FRA10AC1: variants seen among roughly 807,000 people sequenced by gnomAD.
FRA10AC1 encodes the protein FRA10A associated CGG repeat 1, also known as protein FRA10AC1.
FRA10AC1 carries 43 observed loss-of-function variants against 56.5 expected under a neutral mutation model. The ratio of observed to expected loss-of-function variants is 0.76; its 90% CI spans 0.60 to 0.98. The LOEUF (loss-of-function observed/expected upper bound fraction) is 0.98. FRA10AC1 is among the 50% of genes least tolerant of loss of function. The pLI, the probability that FRA10AC1 is intolerant of heterozygous loss-of-function variation, is 0.00. For synonymous variants in FRA10AC1, 112 were observed against 110.5 expected (o/e 1.01, Z -0.09); for missense variants, 346 against 351.8 (o/e 0.98, Z 0.13).
chr10:93,702,634 C>G (rs1446722241), upstream of FRA10AC1: 1 of 193,276 alleles, frequency 5.2e-6, no homozygotes, highest in Non-Finnish European at 1.1e-5. Flanking sequence ...GGCACCGTCC[C>G]CCGAGTGCGC....
intron 4 of FRA10AC1, among the ~76,000 whole-genome samples, chr10:93,696,190 T>C (rs1371931806): frequency 6.6e-6 from 1 of 152,170 alleles, no homozygotes; most frequent in Non-Finnish European, 1.5e-5. Flanking sequence ...CCTGAAGACC[T>C]ATGGTATGAC....
At chr10:93,689,727 A>G (rs1046089788) in intron 7 of FRA10AC1, among the ~76,000 whole-genome samples, 2 of 152,172 alleles carry the variant, frequency 1.3e-5, no homozygotes, top group Non-Finnish European at 2.9e-5. Flanking sequence ...ACTGTATATT[A>G]TTTCCTGACA....
chr10:93,673,911 A>C (rs1174402770), intron 12 of FRA10AC1: 1 of 258,424 alleles, frequency 3.9e-6, no homozygotes, highest in Non-Finnish European at 7.8e-6. Context: ...GAATAGACAT[A>C]CAGTTGATTT....
intron 12 of FRA10AC1, chr10:93,672,253 T>G: frequency 4.1e-6 from 1 of 241,282 alleles, no homozygotes; most frequent in Non-Finnish European, 8.1e-6. Flanking sequence ...TGCTCCTAAC[T>G]GAATCTATTC....
At chr10:93,679,372 A>C (rs2058895135) in intron 11 of FRA10AC1, among the ~76,000 whole-genome samples, 1 of 152,172 alleles carries the variant, frequency 6.6e-6, no homozygotes, top group Admixed American at 6.5e-5. Context: ...AATAATGGAA[A>C]GTGTCAGGAG....
intron 12 of FRA10AC1, chr10:93,673,529 T>A: frequency 2.7e-6 from 1 of 363,706 alleles, no homozygotes; most frequent in Non-Finnish European, 5.3e-6. Context: ...ATCATCTTGG[T>A]TTTTGTGGAT....
chr10:93,685,196 T>C (rs2059004070), intron 9 of FRA10AC1, 50 bp downstream of exon 9: 1 of 836,472 alleles, frequency 1.2e-6, no homozygotes, highest in African/African-American at 1.8e-5. Context: ...ATTTTTAAAT[T>C]AAAGACAAAC....
intron 8 of FRA10AC1, among the ~76,000 whole-genome samples, chr10:93,686,697 C>T (rs1329417474): frequency 6.6e-6 from 1 of 151,688 alleles, no homozygotes; most frequent in Non-Finnish European, 1.5e-5. Flanking sequence ...GTAATCTTTC[C>T]ATTTAAAAGG....
Position 93,698,180 on chromosome 10 carries a change from C to G in FRA10AC1, c.175G>C (p.Glu59Gln). Residue 59 changes from glutamate (E) to glutamine (Q), a missense_variant and splice_region_variant, in exon 4 of 14, where the codon GAA becomes CAA. By Grantham distance (29) the Glu-to-Gln change is conservative. Transcript: ENST00000359204. The stretch of plus-strand genomic sequence containing the variant: ...TGAAACCTTCTATTTCTTGCTTCTT[C>G]CCTGTTAAAACAAATTTTTTTAAGA... Reference protein sequence around the residue: ...KQVAAELLDREEARNRRFHLI... With the variant: ...KQVAAELLDRQEARNRRFHLI... The G allele has an allele frequency of 6.3e-7, 1 of 1,582,808 alleles. No individual in the cohort carries two copies. Among genetic ancestry groups the G allele is most frequent in the South Asian group, 1.2e-5 (1 of 86,052 alleles).
intron 11 of FRA10AC1, 67 bp from the exon 12 acceptor site, chr10:93,676,758 C>T: frequency 8.8e-6 from 13 of 1,474,964 alleles, no homozygotes; most frequent in South Asian, 1.4e-5. Context: ...GTAGCTATAA[C>T]CAGAATTCTT....
chr10:93,699,765 G>A (rs964157567), intron 2 of FRA10AC1, among the ~76,000 whole-genome samples: 2 of 152,146 alleles, frequency 1.3e-5, no homozygotes, highest in Non-Finnish European at 2.9e-5. Context: ...TAATGAAAAG[G>A]TTTCACTGAT....
At chr10:93,676,951 A>G (rs1262098972) in intron 11 of FRA10AC1, among the ~76,000 whole-genome samples, 6 of 152,230 alleles carry the variant, frequency 3.9e-5, no homozygotes, top group Non-Finnish European at 8.8e-5. Context: ...ATACCTGCAA[A>G]AAAAATCTCA....
Position 93,698,380 on chromosome 10 carries a change from A to C in FRA10AC1, c.94T>G (p.Leu32Val). 6.2e-7 allele frequency: 1 copy of C among 1,606,210 alleles called. No individual in the cohort carries two copies. Among genetic ancestry groups the C allele is most frequent in the Non-Finnish European group, 8.5e-7 (1 of 1,173,700 alleles). Reference sequence around the variant, plus strand: ...TTCTGAAATGGTTTTTGGAGCAGTAAGTCATCTTCAACTGTCCTGATATAT... The same window carrying C: ...TTCTGAAATGGTTTTTGGAGCAGTACGTCATCTTCAACTGTCCTGATATAT... ...KRKKRTVEDD[L>V]LLQKPFQKEK... is the part of the protein sequence containing the mutation. Residue 32 changes from leucine to valine, a missense_variant, in exon 3 of 14, where the codon TTA becomes GTA. Transcript: ENST00000359204.
At chr10:93,701,379 ATCTAGGGTAAACGACATGTT>A (rs1221226206) in intron 1 of FRA10AC1, among the ~76,000 whole-genome samples, 3 of 152,200 alleles carry the variant, frequency 2.0e-5, no homozygotes, top group African/African-American at 7.2e-5. Context: ...ATTGCATTGG[ATCTAGGGTAAACGACATGTT>A]TCTAGTCCTG....
chr10:93,689,072 T>A (rs1333925536), intron 7 of FRA10AC1, among the ~76,000 whole-genome samples: 2 of 151,124 alleles, frequency 1.3e-5, no homozygotes, highest in Non-Finnish European at 3.0e-5. Context: ...TTTTTTTTTT[T>A]TTTTTTCAGC....
rs776338400 is a variant in FRA10AC1, at chr10:93,692,057, T to C, written c.417A>G (p.Leu139=). ...GATCTGCTATGCAGTATTCCTTAAA[T>C]AATTTATCATAGTATTTCTTAGCAA... is the stretch of plus-strand genomic sequence containing the variant. ...KRLAKKYYDK[L]FKEYCIADLS... is the part of the protein sequence containing the mutation. Residue 139 remains leucine (L), a synonymous_variant, in exon 7 of 14, where the codon TTA becomes TTG. Coordinates refer to ENST00000359204, the MANE Select transcript of FRA10AC1 (RefSeq NM_145246.5). 1 of 1,561,254 alleles carries C rather than the reference T, an allele frequency of 6.4e-7. No homozygotes were observed. Among genetic ancestry groups the C allele is most frequent in the Non-Finnish European group, 8.6e-7 (1 of 1,158,538 alleles).
chr10:93,681,524 G>C lies in FRA10AC1; in HGVS notation c.743C>G (p.Ser248Cys), dbSNP rs1589718496. The change falls in exon 11 of 14, where the codon TCC becomes TGC. Residue 248 changes from serine to cysteine, a missense_variant. By Grantham distance (112) the Ser-to-Cys change is moderately radical. Transcript: ENST00000359204. ...GGCCTCTTCTGCAGAAGATAATCTG[G>C]ATTTTTTATGTGATGACTCTTCACA... is the stretch of plus-strand genomic sequence containing the variant. Reference protein sequence around the residue: ...KDCEESSHKKSRLSSAEEASK... With the variant: ...KDCEESSHKKCRLSSAEEASK... 1 of 1,575,978 alleles carries C rather than the reference G, an allele frequency of 6.3e-7. No homozygotes were observed. Among genetic ancestry groups the C allele is most frequent in the Non-Finnish European group, 8.6e-7 (1 of 1,166,422 alleles).
chr10:93,672,159 T>C (rs1238182348), intron 12 of FRA10AC1: 1 of 396,346 alleles, frequency 2.5e-6, no homozygotes, highest in Non-Finnish European at 4.9e-6. Flanking sequence ...AACATAAAAA[T>C]AAAACAGCAT....
At chr10:93,671,128 TG>T (rs1157428797) in intron 12 of FRA10AC1, 7 of 303,690 alleles carry the variant, frequency 2.3e-5, no homozygotes, top group Admixed American at 4.5e-5. Flanking sequence ...TATTAACTCT[TG>T]TAAGTCAATT....
Sources: allele counts gnomAD v4.1 joint callset (sites outside exome capture counted in the v4.1 genomes callset), GRCh38; gene constraint gnomAD v4.1.1; transcripts MANE v1.5; gene names NCBI Gene and HGNC (gene_info 2026-07-23, HGNC 2026-07-21).